The following GP6 variants were observed in gnomAD, a reference collection of about 807,000 sequenced individuals.
The protein encoded by GP6 is glycoprotein VI platelet, also known as platelet glycoprotein VI.
In GP6, 45 loss-of-function variants were observed where a neutral mutation model predicts 37.3. The observed-to-expected ratio is 1.21, with a 90% confidence interval of 0.95 to 1.55. The LOEUF is 1.55. Among genes scored for constraint, GP6 ranks in the 40% most tolerant of loss-of-function variants. The pLI is 0.00. For synonymous variants in GP6, 340 were observed against 316.4 expected, an observed-to-expected ratio of 1.07 and a Z score of -0.79; for missense variants, 813 against 760.2, an observed-to-expected ratio of 1.07 and a Z score of -0.82.
At chr19:55,030,394 C>A (rs2074514509) in intron 3 of GP6, among the ~76,000 whole-genome samples, 1 of 151,700 alleles carries the variant, frequency 6.6e-6, no homozygotes, top group Non-Finnish European at 1.5e-5. Flanking sequence ...GTCGCCCAGG[C>A]TGGACTGCAG....
intron 1 of GP6, among the ~76,000 whole-genome samples, chr19:55,037,204 C>T (rs1295216657): frequency 3.3e-5 from 5 of 152,072 alleles, no homozygotes; most frequent in African/African-American, 1.2e-4. Flanking sequence ...TCGACATGCC[C>T]AGCACAAGTG....
chr19:55,024,031 G>A (rs1481783269), intron 5 of GP6, among the ~76,000 whole-genome samples: 1 of 152,204 alleles, frequency 6.6e-6, no homozygotes, highest in Non-Finnish European at 1.5e-5. Context: ...CTGCGGTGAT[G>A]GTGACGCGAA....
chr19:55,037,623 CTTTTTTTTTTTT>C (rs1179101360), intron 1 of GP6, among the ~76,000 whole-genome samples: 1 of 50,410 alleles, frequency 2.0e-5, no homozygotes, highest in Non-Finnish European at 3.6e-5. Context: ...GGCACTCAGC[CTTTTTTTTTTTT>C]TTTTTTTTTT....
At chr19:55,015,506 A>G (rs2073840304) in intron 7 of GP6, among the ~76,000 whole-genome samples, 177 bp downstream of exon 7, 1 of 152,138 alleles carries the variant, frequency 6.6e-6, no homozygotes, top group South Asian at 2.1e-4. Context: ...TTAAAATCTC[A>G]ACCTTCCCAC....
At chr19:55,020,282 G>A (rs981781602) in intron 5 of GP6, among the ~76,000 whole-genome samples, 5 of 151,154 alleles carry the variant, frequency 3.3e-5, no homozygotes, top group South Asian at 2.1e-4. Context: ...ATAGGTAAAC[G>A]TGTGCCATGG....
intron 1 of GP6, among the ~76,000 whole-genome samples, chr19:55,034,554 T>G (rs1602639806): frequency 6.7e-6 from 1 of 149,664 alleles, no homozygotes; most frequent in East Asian, 2.0e-4. Flanking sequence ...AGACTCCATC[T>G]CGAGGAAAAA....
chr19:55,024,155 G>A (rs984730758), intron 5 of GP6, among the ~76,000 whole-genome samples: 23 of 152,302 alleles, frequency 1.5e-4, no homozygotes, highest in South Asian at 6.2e-4. Flanking sequence ...AGAGGAAACT[G>A]GAAAAAGAGC....
At chr19:55,038,061 TC>T in intron 1 of GP6, 141 bp downstream of exon 1, 1 of 740,868 alleles carries the variant, frequency 1.3e-6, no homozygotes, top group Non-Finnish European at 2.4e-6. Flanking sequence ...GCCCCCCGTT[TC>T]CCCACCCAAC....
intron 5 of GP6, among the ~76,000 whole-genome samples, chr19:55,024,333 C>CACACACACAT (rs2074214377): frequency 3.3e-5 from 2 of 59,748 alleles, no homozygotes; most frequent in South Asian, 1.1e-3. Flanking sequence ...CACATATGCA[C>CACACACACAT]GCACACACGC....
chr19:55,028,251 C>T (rs1020695734), intron 3 of GP6, among the ~76,000 whole-genome samples: 1 of 152,226 alleles, frequency 6.6e-6, no homozygotes. Flanking sequence ...TTATACTGTG[C>T]TGTAAGCTTG....
At chr19:55,022,719 ACAGG>A (rs1291873378) in intron 5 of GP6, among the ~76,000 whole-genome samples, 3 of 152,194 alleles carry the variant, frequency 2.0e-5, no homozygotes, top group Non-Finnish European at 4.4e-5. Context: ...CCAACAATAG[ACAGG>A]CAGAGAGCCA....
At position 55,032,337 on chromosome 19, in the gene GP6, G is replaced by A; in HGVS notation, c.127C>T (p.Pro43Ser). 1.2e-6 allele frequency: 2 copies of A among 1,614,032 alleles called. No individual in the cohort carries two copies. The highest frequency in any genetic ancestry group is 1.7e-6 in the Non-Finnish European group (2 of 1,179,964). Residue 43 changes from proline (P) to serine (S), a missense_variant, in exon 3 of 8, where the codon CCA becomes TCA. Pro to Ser is a moderately conservative substitution (Grantham distance 74). Coordinates refer to ENST00000310373, the MANE Select transcript of GP6 (RefSeq NM_001083899.2). ...GGTCCCTGGCACCGGAGGGTCACTG[G>A]CTTCTCCAGGGGCACCAGGGAGCTG... is the stretch of plus-strand genomic sequence containing the variant.
intron 1 of GP6, 77 bp from the exon 2 acceptor site, chr19:55,032,615 A>C: frequency 4.2e-6 from 6 of 1,413,976 alleles, no homozygotes; most frequent in Non-Finnish European, 6.0e-6. Context: ...CGGTGATAAG[A>C]CATTTGCATG....
rs1353610699 is a variant in GP6 at position 55,033,206 on chromosome 19, TGTGTTAGACACGGTGGACTCGTTC to T, written c.35-692_35-669del. ...TTAGACGCGGTGGACTCCTTCGTGTTGTGTTAGACACGGTGGACTCGTTCGTGTTAGACACGGTGGACTCGTTCG... is the reference window on the plus strand; with the variant it reads ...TTAGACGCGGTGGACTCCTTCGTGTTGTGTTAGACACGGTGGACTCGTTCG... On this transcript the variant is annotated intron_variant, in intron 1 of 7. Transcript: ENST00000310373. 9.5e-3 allele frequency among the ~76,000 whole-genome samples: 458 copies of T among 48,238 alleles called. 47 individuals are homozygous for T. The highest frequency in any genetic ancestry group is 0.012 in the Non-Finnish European group (280 of 23,292). 31.6% of individuals were successfully genotyped at this position (48,238 alleles called of 152,430 possible). A position where few individuals can be genotyped will look rare whatever the true frequency, so the allele number is the denominator to read the frequency against.
Position 55,015,043 on chromosome 19 carries a change from G to A in GP6, c.902C>T (p.Ala301Val), listed in dbSNP as rs757183693. 1 of 1,609,268 alleles carries A rather than the reference G, an allele frequency of 6.2e-7. No individual in the cohort carries two copies. The highest frequency in any genetic ancestry group is 2.2e-5 in the East Asian group (1 of 44,620). Reference sequence around the variant, plus strand: ...GGCCTCTGCACAGCCCTGCCCCTGTGCCGCAGGCGCTTCCTCCGGCTGTGC... The same window carrying A: ...GGCCTCTGCACAGCCCTGCCCCTGTACCGCAGGCGCTTCCTCCGGCTGTGC... Residue 301 changes from alanine (A) to valine (V), a missense_variant, in exon 8 of 8, where the codon GCA becomes GTA. Transcript: ENST00000310373.
intron 5 of GP6, among the ~76,000 whole-genome samples, chr19:55,024,267 T>TGCACGCACACACACAC (rs1401329585): frequency 8.2e-5 from 2 of 24,498 alleles, no homozygotes; most frequent in Non-Finnish European, 2.5e-4. Flanking sequence ...CGCACACATA[T>TGCACGCACACACACAC]GCACGCATGC....
chr19:55,015,453 A>G (rs536405091), intron 7 of GP6, among the ~76,000 whole-genome samples: 1 of 152,270 alleles, frequency 6.6e-6, no homozygotes, highest in South Asian at 2.1e-4. Flanking sequence ...GGACAGTTAT[A>G]AGGGGTGGGG....
intron 6 of GP6, 147 bp from the exon 7 acceptor site, chr19:55,015,880 A>G (rs2073856411): frequency 1.4e-6 from 1 of 700,472 alleles, no homozygotes; most frequent in East Asian, 2.6e-5. Flanking sequence ...CCTCATGCCT[A>G]TAATCCCAGC....
intron 1 of GP6, among the ~76,000 whole-genome samples, chr19:55,034,984 T>C (rs1403889217): frequency 6.6e-6 from 1 of 152,146 alleles, no homozygotes; most frequent in Non-Finnish European, 1.5e-5. Context: ...TCCTGCCGCA[T>C]CACAGCCCAC....
Sources: allele counts gnomAD v4.1 joint callset (sites outside exome capture counted in the v4.1 genomes callset), GRCh38; gene constraint gnomAD v4.1.1; transcripts MANE v1.5; gene names NCBI Gene and HGNC (gene_info 2026-07-23, HGNC 2026-07-21).